Variants in MDFIC observed in about 807,000 individuals in gnomAD.
MDFIC encodes MyoD family inhibitor domain containing.
A neutral mutation model predicts 23.2 loss-of-function variants in MDFIC; 17 were observed. The observed-to-expected ratio is 0.73, with a 90% CI of 0.50 to 1.10. The LOEUF (loss-of-function observed/expected upper bound fraction) is 1.10. MDFIC is among the 50% of genes least tolerant of loss of function. The pLI is 0.00. For synonymous variants in MDFIC, 120 were observed against 115.2 expected, an observed-to-expected ratio of 1.04 and a Z score of -0.27; for missense variants, 356 against 316.6, an observed-to-expected ratio of 1.12 and a Z score of -0.95.
intron 1 of MDFIC, 131 bp from the exon 2 acceptor site, chr7:114,922,796 A>C: frequency 1.5e-6 from 2 of 1,324,070 alleles, no homozygotes. Flanking sequence ...TTTCTTCGCA[A>C]GTTTCAAATC....
chr7:115,007,044 TG>T (rs1316245443), intron 4 of MDFIC, among the ~76,000 whole-genome samples: 66 of 152,354 alleles, frequency 4.3e-4, no homozygotes, highest in African/African-American at 1.4e-3. Flanking sequence ...TAATTCTCTC[TG>T]GGCAGACTTA....
chr7:114,989,819 T>C (rs1793574796), intron 4 of MDFIC, among the ~76,000 whole-genome samples: 1 of 152,178 alleles, frequency 6.6e-6, no homozygotes, highest in African/African-American at 2.4e-5. Context: ...TCCTACGTCA[T>C]TCCATGAGCA....
chr7:114,953,926 C>A (rs1411104360), intron 3 of MDFIC, among the ~76,000 whole-genome samples: 4 of 152,134 alleles, frequency 2.6e-5, no homozygotes, highest in African/African-American at 7.2e-5. Flanking sequence ...TTACAACCAC[C>A]TTTCTCCCCC....
chr7:114,922,602 GA>G lies in MDFIC; in HGVS notation c.-140del. On this transcript the variant is annotated 5_prime_UTR_variant, in exon 1 of 5. Transcript: ENST00000393486. Reference sequence around the variant, plus strand: ...GGCGGAAGAGGAGGAGGAGGAGGAGGAAGGGGCTTGGAGCGACTACGGGGGG... The same window carrying G: ...GGCGGAAGAGGAGGAGGAGGAGGAGGAGGGGCTTGGAGCGACTACGGGGGG... 7.9e-7 allele frequency: 1 copy of G among 1,269,542 alleles called. No homozygotes were observed. The highest frequency in any genetic ancestry group is 3.4e-5 in the South Asian group (1 of 29,338). The allele number at this position is 1,269,542 out of a possible 1,614,324, so 78.6% of individuals were successfully genotyped here.
intron 4 of MDFIC, among the ~76,000 whole-genome samples, chr7:114,987,140 CTTCCCAGCCCCATCAAGTTTTCTCACTAT>C (rs1194795850): frequency 6.6e-6 from 1 of 152,196 alleles, no homozygotes; most frequent in African/African-American, 2.4e-5. Context: ...AGAGATCCTA[CTTCCCAGCCCCATCAAGTTTTCTCACTAT>C]TCCGTATGGG....
In MDFIC at chr7:115,015,763, C is replaced by T. The variant is rs148675178; in HGVS notation, c.569C>T (p.Ala190Val). The change falls in exon 5 of 5, where the codon GCG becomes GTG. Residue 190 changes from alanine to valine, a missense_variant. By Grantham distance (64) the Ala-to-Val change is moderately conservative. Coordinates refer to ENST00000393486, the MANE Select transcript of MDFIC (RefSeq NM_001166345.3). Reference protein sequence around the residue: ...LTLCNIVLGQASCGICTSEAC... With the variant: ...LTLCNIVLGQVSCGICTSEAC... ...CTTTGCAACATTGTCCTGGGACAAG[C>T]GTCATGTGGCATCTGCACCTCAGAA... 7.0e-5 allele frequency: 113 copies of T among 1,614,152 alleles called. No homozygotes were observed. In the Admixed American group the frequency reaches 1.4e-3, roughly 20 times the overall value.
At chr7:114,962,206 C>G (rs1274654577) in intron 3 of MDFIC, among the ~76,000 whole-genome samples, 1 of 152,126 alleles carries the variant, frequency 6.6e-6, no homozygotes, top group East Asian at 1.9e-4. Flanking sequence ...TGTTCAACCT[C>G]TGTGTTTCTC....
intron 4 of MDFIC, among the ~76,000 whole-genome samples, chr7:114,992,519 G>T (rs932845428): frequency 6.6e-6 from 1 of 152,138 alleles, no homozygotes; most frequent in Non-Finnish European, 1.5e-5. Context: ...TTTGAGATAT[G>T]TCCCAGCAAT....
chr7:114,962,525 G>A (rs776583835), intron 3 of MDFIC, among the ~76,000 whole-genome samples: 3 of 152,080 alleles, frequency 2.0e-5, no homozygotes, highest in African/African-American at 4.8e-5. Context: ...CATTCTAACC[G>A]TCCATGTTTC....
At chr7:114,967,113 A>G (rs1184648225) in intron 3 of MDFIC, among the ~76,000 whole-genome samples, 6 of 152,168 alleles carry the variant, frequency 3.9e-5, no homozygotes, top group Non-Finnish European at 8.8e-5. Context: ...GATGCAGTTG[A>G]AATTGCTTGT....
At chr7:114,966,235 G>C (rs879431953) in intron 3 of MDFIC, among the ~76,000 whole-genome samples, 1 of 151,958 alleles carries the variant, frequency 6.6e-6, no homozygotes, top group Admixed American at 6.6e-5. Context: ...TAATGTCAAA[G>C]ATAATAGTCA....
intron 4 of MDFIC, among the ~76,000 whole-genome samples, chr7:114,999,434 A>T (rs576355600): frequency 4.6e-5 from 7 of 152,048 alleles, no homozygotes; most frequent in African/African-American, 1.7e-4. Flanking sequence ...TTTTTTTTTA[A>T]AATTACATTC....
intron 3 of MDFIC, among the ~76,000 whole-genome samples, chr7:114,961,622 T>A (rs1482366338): frequency 6.6e-6 from 1 of 152,172 alleles, no homozygotes; most frequent in African/African-American, 2.4e-5. Flanking sequence ...CAGAAAGCAC[T>A]GCTGGGGAGG....
intron 2 of MDFIC, among the ~76,000 whole-genome samples, chr7:114,932,119 T>C (rs930327556): frequency 2.6e-5 from 4 of 152,212 alleles, no homozygotes; most frequent in Admixed American, 2.0e-4. Flanking sequence ...GATAAAATTA[T>C]TAAGCGTGGG....
intron 2 of MDFIC, among the ~76,000 whole-genome samples, chr7:114,928,904 A>G (rs1487114876): frequency 6.6e-6 from 1 of 152,152 alleles, no homozygotes; most frequent in African/African-American, 2.4e-5. Flanking sequence ...CAATAGCAAA[A>G]ATAGGATAGA....
In MDFIC at chr7:114,979,668, T is replaced by C; in HGVS notation, c.380T>C (p.Val127Ala). 6.2e-7 allele frequency: 1 copy of C among 1,614,044 alleles called. No homozygotes were observed. The highest frequency in any genetic ancestry group is 8.5e-7 in the Non-Finnish European group (1 of 1,179,994). ...GATAATCGCAAACTTTCAGCACCTG[T>C]TTCTCAAAAAATGCATAGAAAAATT... ...SADNRKLSAP[V>A]SQKMHRKIQS... Residue 127 changes from valine (V) to alanine (A), a missense_variant, in exon 4 of 5, where the codon GTT (valine) becomes GCT (alanine). By Grantham distance (64) the Val-to-Ala change is moderately conservative (BLOSUM62 0). Transcript: ENST00000393486.
At chr7:114,925,232 C>T (rs2115671615) in intron 2 of MDFIC, among the ~76,000 whole-genome samples, 1 of 152,178 alleles carries the variant, frequency 6.6e-6, no homozygotes, top group African/African-American at 2.4e-5. Context: ...ACAAGCTCTA[C>T]ATTTATTACT....
At chr7:114,948,171 C>T (rs539703836) in intron 3 of MDFIC, among the ~76,000 whole-genome samples, 47 of 152,124 alleles carry the variant, frequency 3.1e-4, no homozygotes, top group Admixed American at 1.6e-3. Flanking sequence ...TTATTTCAGA[C>T]GTTAAGGTCC....
At chr7:114,944,024 G>A (rs1440718403) in intron 3 of MDFIC, among the ~76,000 whole-genome samples, 1 of 152,168 alleles carries the variant, frequency 6.6e-6, no homozygotes, top group African/African-American at 2.4e-5. Context: ...GCTCATATTA[G>A]TCATAGAATC....
Sources: allele counts gnomAD v4.1 joint callset (sites outside exome capture counted in the v4.1 genomes callset), GRCh38; gene constraint gnomAD v4.1.1; transcripts MANE v1.5; gene names NCBI Gene and HGNC (gene_info 2026-07-23, HGNC 2026-07-21).